Variants in SLTM observed in about 807,000 individuals in gnomAD.
The protein encoded by SLTM is SAFB like transcription modulator, also known as SAFB-like transcription modulator.
Under a neutral mutation model 134.6 loss-of-function variants are expected in SLTM, and 43 were observed. That is an observed-to-expected ratio of 0.32 (90% CI 0.25 to 0.41). The LOEUF (loss-of-function observed/expected upper bound fraction) is 0.41. Among genes scored for constraint, SLTM ranks in the 10% least tolerant of loss-of-function variants. The probability of loss-of-function intolerance (pLI) is 1.00; values close to 1 mark genes in which losing one functional copy is unlikely to be tolerated. For synonymous variants in SLTM, 424 were observed against 432.3 expected (o/e 0.98, Z 0.24); for missense variants, 1,055 against 1,288.8 (o/e 0.82, Z 2.78).
At chr15:58,926,596 G>C (rs2037484997) in intron 2 of SLTM, among the ~76,000 whole-genome samples, 2 of 150,024 alleles carry the variant, frequency 1.3e-5, no homozygotes, top group Non-Finnish European at 3.0e-5. Context: ...TCACTTTTTT[G>C]TACTTTTCTG....
intron 14 of SLTM, among the ~76,000 whole-genome samples, chr15:58,891,519 T>C (rs2034642418): frequency 6.6e-6 from 1 of 152,212 alleles, no homozygotes; most frequent in African/African-American, 2.4e-5. Context: ...CTTGCGACTT[T>C]TACCAAGAGT....
At chr15:58,883,922 A>G in intron 19 of SLTM, 136 bp from the exon 20 acceptor site, 1 of 845,288 alleles carries the variant, frequency 1.2e-6, no homozygotes, top group Non-Finnish European at 1.8e-6. Context: ...ACATGGTGCA[A>G]CCCCGTTTCT....
chr15:58,905,495 G>C (rs565039264), intron 5 of SLTM, among the ~76,000 whole-genome samples: 1 of 152,158 alleles, frequency 6.6e-6, no homozygotes, highest in South Asian at 2.1e-4. Context: ...TTGAGGCCAC[G>C]AGTTTGAGAC....
At position 58,879,986 on chromosome 15, in the gene SLTM, A is replaced by G; in HGVS notation, c.*13T>C. 6.2e-7 allele frequency: 1 copy of G among 1,612,870 alleles called. No homozygotes were observed. The highest frequency in any genetic ancestry group is 8.5e-7 in the Non-Finnish European group (1 of 1,179,458). On this transcript the variant is annotated 3_prime_UTR_variant, in exon 21 of 21. Transcript: ENST00000380516. ...CAATAAATTATCTTAAAACCTTGGC[A>G]GAGAGCTCATTTTCAGAATCGTCGC... is the stretch of plus-strand genomic sequence containing the variant.
intron 5 of SLTM, among the ~76,000 whole-genome samples, chr15:58,902,438 G>T (rs1271088403): frequency 6.7e-6 from 1 of 150,194 alleles, no homozygotes; most frequent in East Asian, 1.9e-4. Context: ...CCAGGCTAGA[G>T]TGCAGCAGCA....
chr15:58,922,560 T>C (rs372133595), intron 2 of SLTM, among the ~76,000 whole-genome samples: 137,798 of 144,136 alleles, frequency 0.96, 65,754 homozygotes, highest in Middle Eastern at 1. Flanking sequence ...ATATAATATG[T>C]ATATAATATA....
chr15:58,916,905 G>A (rs1483196757), intron 3 of SLTM, 30 bp downstream of exon 3: 4 of 1,584,438 alleles, frequency 2.5e-6, no homozygotes, highest in Non-Finnish European at 3.5e-6. Flanking sequence ...CTTAAAATAA[G>A]CATCTTAACC....
intron 20 of SLTM, among the ~76,000 whole-genome samples, chr15:58,883,307 T>A (rs139976040): frequency 1.9e-3 from 287 of 152,252 alleles, no homozygotes; most frequent in African/African-American, 6.5e-3. Flanking sequence ...AGAGTGAGAC[T>A]CCATCTCAAA....
chr15:58,924,455 A>C (rs2037321305), intron 2 of SLTM, among the ~76,000 whole-genome samples: 1 of 152,248 alleles, frequency 6.6e-6, no homozygotes. Context: ...TTAGAAGAGT[A>C]AAACGTTGCA....
In SLTM at chr15:58,889,349, T is replaced by C. The variant is rs187648066; in HGVS notation, c.2204+81A>G. 811 of 1,553,236 alleles carry C rather than the reference T, an allele frequency of 5.2e-4. 1 individual carries two copies. The African/African-American group carries it at 0.01, about 19-fold the overall frequency. On this transcript the variant is annotated intron_variant, in intron 16 of 20. Transcript: ENST00000380516. ...GACTTTTATTCCAGTGATGGGAGCC[T>C]GTACTTTCTAATTCTCTAGTCTTAG...
In SLTM at chr15:58,886,216, AGAG is replaced by A. The variant is rs1567103051; in HGVS notation, c.2835+756_2835+758del. 3.2e-5 allele frequency among the ~76,000 whole-genome samples: 4 copies of A among 125,520 alleles called. No individual in the cohort carries two copies. In the Admixed American group the frequency reaches 3.2e-4, roughly 10 times the overall value. 82.3% of individuals were successfully genotyped at this position (125,520 alleles called of 152,430 possible). A position where few individuals can be genotyped will look rare whatever the true frequency, so the allele number is the denominator to read the frequency against. ...ACTTAAATGAAGCAGGAGAAAAAGA[AGAG>A]TGTGTGTGTGTGTGTGTGTGTGTGT... On this transcript the variant is annotated intron_variant, in intron 19 of 20. Transcript: ENST00000380516.
Position 58,888,357 on chromosome 15 carries a change from T to G in SLTM, c.2375+28A>C, listed in dbSNP as rs542986363. On this transcript the variant is annotated intron_variant, in intron 17 of 20. Transcript: ENST00000380516. Reference sequence around the variant, plus strand: ...GTTATCACTAGCAAGGCTCATAAAATAAATATAACAATTTTCAACATATCT... The same window carrying G: ...GTTATCACTAGCAAGGCTCATAAAAGAAATATAACAATTTTCAACATATCT... The G allele has an allele frequency of 1.2e-5, 18 of 1,554,024 alleles. No homozygotes were observed. The African/African-American group carries it at 2.1e-4, about 18-fold the overall frequency.
chr15:58,921,447 T>C, intron 2 of SLTM: 1 of 197,780 alleles, frequency 5.1e-6, no homozygotes, highest in Middle Eastern at 4.7e-4. Context: ...GAGACTCACT[T>C]GCCCAATGAC....
At chr15:58,903,852 G>A (rs945261194) in intron 5 of SLTM, among the ~76,000 whole-genome samples, 6 of 152,128 alleles carry the variant, frequency 3.9e-5, no homozygotes, top group African/African-American at 1.2e-4. Flanking sequence ...GGAAATGTAC[G>A]TAGAACTGTA....
At chr15:58,917,707 T>G (rs2036743856) in intron 2 of SLTM, among the ~76,000 whole-genome samples, 1 of 152,190 alleles carries the variant, frequency 6.6e-6, no homozygotes, top group South Asian at 2.1e-4. Context: ...TTGCCCATCT[T>G]CAAAACTTTG....
In SLTM at chr15:58,932,451, A is replaced by G; in HGVS notation, c.163-8T>C. The stretch of plus-strand genomic sequence containing the variant: ...TCCTTCCTCTTCAATAGCCTACATT[A>G]GAAAGAGAAGTTAATATGCTACACA... On this transcript the variant is annotated splice_region_variant and splice_polypyrimidine_tract_variant and intron_variant, in intron 1 of 20. Coordinates refer to ENST00000380516, the MANE Select transcript of SLTM (RefSeq NM_024755.4). 6.3e-7 allele frequency: 1 copy of G among 1,578,848 alleles called. No individual in the cohort carries two copies. Among genetic ancestry groups the G allele is most frequent in the South Asian group, 1.1e-5 (1 of 90,370 alleles).
chr15:58,926,352 G>A (rs1039687269), intron 2 of SLTM, among the ~76,000 whole-genome samples: 17 of 152,090 alleles, frequency 1.1e-4, no homozygotes, highest in Admixed American at 6.6e-4. Context: ...TGTTGAAAAG[G>A]GGGGAAAAAA....
chr15:58,921,504 G>C, intron 2 of SLTM: 1 of 367,082 alleles, frequency 2.7e-6, no homozygotes, highest in South Asian at 2.1e-5. Context: ...TGTAAAAATG[G>C]TCTAACTTTG....
intron 1 of SLTM, 100 bp from the exon 2 acceptor site, chr15:58,932,543 A>G (rs74017311): frequency 0.024 from 17,896 of 749,200 alleles, 774 homozygotes; most frequent in African/African-American, 0.14. Context: ...GCCTCAAGAC[A>G]TTAGAATTGC....
Sources: allele counts gnomAD v4.1 joint callset (sites outside exome capture counted in the v4.1 genomes callset), GRCh38; gene constraint gnomAD v4.1.1; transcripts MANE v1.5; gene names NCBI Gene and HGNC (gene_info 2026-07-23, HGNC 2026-07-21).